Variants in ENTPD6 observed in about 807,000 individuals in gnomAD.
ENTPD6 encodes CD39 antigen-like 2.
ENTPD6 carries 46 observed loss-of-function variants against 61.5 expected under a neutral mutation model. The ratio of observed to expected loss-of-function variants is 0.75; its 90% confidence interval spans 0.59 to 0.96. ENTPD6 has a LOEUF of 0.96. Among genes scored for constraint, ENTPD6 ranks in the 40% least tolerant of loss-of-function variants. The pLI is 0.00. For missense variants in ENTPD6, 612 were observed against 629.0 expected (o/e 0.97, Z 0.29); for synonymous variants, 252 against 255.5 (o/e 0.99, Z 0.13).
chr20:25,212,848 G>A (rs1231575106), intron 4 of ENTPD6, among the ~76,000 whole-genome samples: 2 of 152,172 alleles, frequency 1.3e-5, no homozygotes, highest in Non-Finnish European at 2.9e-5. Flanking sequence ...TGGGACTATA[G>A]GCTCCCACCA....
At chr20:25,197,543 G>A (rs953406269) in intron 1 of ENTPD6, among the ~76,000 whole-genome samples, 2 of 152,226 alleles carry the variant, frequency 1.3e-5, no homozygotes, top group Non-Finnish European at 2.9e-5. Context: ...ACGCTGTGGT[G>A]TTAGTGGTTC....
Position 25,207,385 on chromosome 20 carries a change from C to T in ENTPD6, c.364C>T (p.Arg122Trp), listed in dbSNP as rs768761704. ...CCGAGTACACGTCTTCCAGTTCACCCGGCCCCCCAGAGGTACCCGCCTCTC... is the reference window on the plus strand; with the variant it reads ...CCGAGTACACGTCTTCCAGTTCACCTGGCCCCCCAGAGGTACCCGCCTCTC... The part of the protein sequence containing the change: ...GTRVHVFQFT[R>W]PPRETPTLTH... Residue 122 changes from arginine to tryptophan, a missense_variant, in exon 3 of 15, where the codon CGG becomes TGG. By Grantham distance (101) the Arg-to-Trp change is moderately radical. Coordinates refer to ENST00000376652, the MANE Select transcript of ENTPD6 (RefSeq NM_001247.5). 1.3e-5 allele frequency: 20 copies of T among 1,532,986 alleles called. No individual in the cohort carries two copies. The Admixed American group carries it at 2.1e-4, about 16-fold the overall frequency. The allele number at this position is 1,532,986 out of a possible 1,614,324, so 95.0% of individuals were successfully genotyped here.
rs2092224977 is a variant in ENTPD6, at chr20:25,214,877, T to C, written c.608T>C (p.Val203Ala). 1 of 1,550,972 alleles carries C rather than the reference T, an allele frequency of 6.4e-7. No homozygotes were observed. Among genetic ancestry groups the C allele is most frequent in the Non-Finnish European group, 8.9e-7 (1 of 1,122,578 alleles). ...AQKLLQKVKK[V>A]FKASPFLVGD... is the part of the protein sequence containing the mutation. ...TCTCTTTACATTTAGGTGAAAAAAG[T>C]ATTTAAAGCATCGCCTTTCCTTGTA... Residue 203 changes from valine to alanine, a missense_variant, in exon 6 of 15, where the codon GTA becomes GCA. Coordinates refer to ENST00000376652, the MANE Select transcript of ENTPD6 (RefSeq NM_001247.5).
intron 1 of ENTPD6, among the ~76,000 whole-genome samples, chr20:25,203,042 T>C (rs2091170708): frequency 6.6e-6 from 1 of 152,232 alleles, no homozygotes; most frequent in African/African-American, 2.4e-5. Flanking sequence ...TTTTGCTGAA[T>C]GTAGAATTCT....
chr20:25,197,241 C>G, intron 1 of ENTPD6: 1 of 985,414 alleles, frequency 1.0e-6, no homozygotes, highest in Non-Finnish European at 1.2e-6. Flanking sequence ...CCTGCCATCC[C>G]CATCTAGAAA....
chr20:25,202,031 AAC>A (rs1010529350), intron 1 of ENTPD6, among the ~76,000 whole-genome samples: 55 of 152,370 alleles, frequency 3.6e-4, no homozygotes, highest in African/African-American at 1.3e-3. Context: ...ATAGTTGATT[AAC>A]ACATAGTTTG....
chr20:25,207,983 C>T lies in ENTPD6; in HGVS notation c.376+586C>T, dbSNP rs189772173. Among the ~76,000 whole-genome samples the T allele has an allele frequency of 1.6e-3, 245 of 152,320 alleles. 2 individuals are homozygous for T. The highest frequency in any genetic ancestry group is 5.8e-3 in the African/African-American group (240 of 41,576). On this transcript the variant is annotated intron_variant, in intron 3 of 14. Transcript: ENST00000376652. ...CCACCCGGTTCCTCTGCTCTCCAAC[C>T]ACCCTCTTCCCTTGGTTCCCTGATG...
Position 25,225,900 on chromosome 20 carries a change from T to C in ENTPD6, c.*303T>C. ...TGAGGGGGCAGTGTGGCTCCCTGCC[T>C]GTCCCATCCCCATGCCCCGTCCGCG... On this transcript the variant is annotated 3_prime_UTR_variant, in exon 15 of 15. Coordinates refer to ENST00000376652, the MANE Select transcript of ENTPD6 (RefSeq NM_001247.5). The C allele has an allele frequency of 3.3e-6, 1 of 300,362 alleles. No individual in the cohort carries two copies. Among genetic ancestry groups the C allele is most frequent in the Non-Finnish European group, 6.2e-6 (1 of 161,572 alleles). The allele number at this position is 300,362 out of a possible 1,614,324, so 18.6% of individuals were successfully genotyped here. A position where few individuals can be genotyped will look rare whatever the true frequency, so the allele number is the denominator to read the frequency against.
chr20:25,214,334 G>C (rs2092181032), intron 5 of ENTPD6, among the ~76,000 whole-genome samples: 1 of 152,220 alleles, frequency 6.6e-6, no homozygotes, highest in Admixed American at 6.5e-5. Flanking sequence ...CTTGCTGAAA[G>C]GTGGGCAAGG....
chr20:25,220,027 G>C (rs1422408147), intron 10 of ENTPD6, among the ~76,000 whole-genome samples: 1 of 152,136 alleles, frequency 6.6e-6, no homozygotes. Context: ...AGGGAGTCGT[G>C]GCTCAGACCC....
intron 3 of ENTPD6, among the ~76,000 whole-genome samples, chr20:25,207,638 C>G (rs991271617): frequency 8.5e-5 from 13 of 152,176 alleles, no homozygotes; most frequent in Admixed American, 5.2e-4. Context: ...GGTGGCCTGT[C>G]CCCTCCCCAC....
intron 7 of ENTPD6, 115 bp downstream of exon 7, chr20:25,215,826 T>G: frequency 8.8e-7 from 1 of 1,137,338 alleles, no homozygotes. Context: ...CCCCTCAGGG[T>G]TTGGCAGTGT....
Position 25,217,590 on chromosome 20 carries a change from T to C in ENTPD6, c.878+9T>C. 6.2e-7 allele frequency: 1 copy of C among 1,613,856 alleles called. No homozygotes were observed. Among genetic ancestry groups the C allele is most frequent in the Non-Finnish European group, 8.5e-7 (1 of 1,179,768 alleles). On this transcript the variant is annotated intron_variant, in intron 9 of 14. Coordinates refer to ENST00000376652, the MANE Select transcript of ENTPD6 (RefSeq NM_001247.5). ...AAGCTCTATTCCTACAGGTCTGCTT[T>C]CGGGAACAGGCGTGGGGAGGCGCCA...
chr20:25,195,785 G>A lies in ENTPD6; in HGVS notation c.-98G>A. On this transcript the variant is annotated 5_prime_UTR_variant, in exon 1 of 15. Coordinates refer to ENST00000376652, the MANE Select transcript of ENTPD6 (RefSeq NM_001247.5). ...GGCCGGGGTGGCGCCGGCCGGGGCG[G>A]GGGAGCCCAAAAGACCGGCTGCCGC... 8.6e-7 allele frequency: 1 copy of A among 1,167,380 alleles called. No individual in the cohort carries two copies. Among genetic ancestry groups the A allele is most frequent in the South Asian group, 4.2e-5 (1 of 23,542 alleles). The allele number at this position is 1,167,380 out of a possible 1,614,324, so 72.3% of individuals were successfully genotyped here. A position where few individuals can be genotyped will look rare whatever the true frequency, so the allele number is the denominator to read the frequency against.
At chr20:25,204,517 C>T (rs1342349492) in intron 1 of ENTPD6, among the ~76,000 whole-genome samples, 1 of 151,756 alleles carries the variant, frequency 6.6e-6, no homozygotes, top group Non-Finnish European at 1.5e-5. Flanking sequence ...TCCCCCAGTC[C>T]CTCCTTGGGC....
intron 1 of ENTPD6, 93 bp downstream of exon 1, chr20:25,195,960 C>A: frequency 9.3e-7 from 1 of 1,076,956 alleles, no homozygotes; most frequent in Non-Finnish European, 1.2e-6. Flanking sequence ...CTCCGGAGGA[C>A]GGCCTCGGGG....
intron 4 of ENTPD6, among the ~76,000 whole-genome samples, chr20:25,212,771 T>C (rs2092059270): frequency 6.6e-6 from 1 of 152,082 alleles, no homozygotes; most frequent in Non-Finnish European, 1.5e-5. Flanking sequence ...AGTGGTGCCA[T>C]CTCGGCTCAC....
Position 25,225,756 on chromosome 20 carries a change from C to A in ENTPD6, c.*159C>A. 1.6e-6 allele frequency: 1 copy of A among 626,538 alleles called. No homozygotes were observed. Among genetic ancestry groups the A allele is most frequent in the Non-Finnish European group, 2.8e-6 (1 of 357,230 alleles). 38.8% of individuals were successfully genotyped at this position (626,538 alleles called of 1,614,324 possible). A position where few individuals can be genotyped will look rare whatever the true frequency, so the allele number is the denominator to read the frequency against. On this transcript the variant is annotated 3_prime_UTR_variant, in exon 15 of 15. Coordinates refer to ENST00000376652, the MANE Select transcript of ENTPD6 (RefSeq NM_001247.5). ...TGCAGAAGGCCTGGTGCTGCCCTGGCATCAGCCTCTTCCAGTCACATCTGG... is the reference window on the plus strand; with the variant it reads ...TGCAGAAGGCCTGGTGCTGCCCTGGAATCAGCCTCTTCCAGTCACATCTGG...
Position 25,221,296 on chromosome 20 carries a change from C to T in ENTPD6, c.1008C>T (p.His336=), listed in dbSNP as rs546993004. 12 of 1,614,164 alleles carry T rather than the reference C, an allele frequency of 7.4e-6. No individual in the cohort carries two copies. The highest frequency in any genetic ancestry group is 4.5e-5 in the East Asian group (2 of 44,880). The change falls in exon 11 of 15, where the codon CAC becomes CAT. Residue 336 remains histidine, a synonymous_variant. Transcript: ENST00000376652. ...LSPSFKGEWE[H]AEVTYRVSGQ... is the part of the protein sequence containing the mutation. Reference sequence around the variant, plus strand: ...CCAGTTTCAAAGGAGAGTGGGAACACGCAGAAGTCACGTACAGGGTTTCAG... The same window carrying T: ...CCAGTTTCAAAGGAGAGTGGGAACATGCAGAAGTCACGTACAGGGTTTCAG...
Sources: allele counts gnomAD v4.1 joint callset (sites outside exome capture counted in the v4.1 genomes callset), GRCh38; gene constraint gnomAD v4.1.1; transcripts MANE v1.5; gene names NCBI Gene and HGNC (gene_info 2026-07-23, HGNC 2026-07-21).